Variants in PHF11 observed in about 807,000 individuals in gnomAD.
PHF11 encodes the protein BRCA1 C-terminus-associated protein.
A neutral mutation model predicts 40.5 loss-of-function variants in PHF11; 38 were observed. The ratio of observed to expected loss-of-function variants is 0.94; its 90% CI spans 0.72 to 1.23. The LOEUF (loss-of-function observed/expected upper bound fraction) is 1.23. Among genes scored for constraint, PHF11 ranks in the 50% most tolerant of loss-of-function variants. The pLI, the probability that PHF11 is intolerant of heterozygous loss-of-function variation, is 0.00. For synonymous variants in PHF11, 127 were observed against 138.2 expected (o/e 0.92, Z 0.57); for missense variants, 369 against 392.4 (o/e 0.94, Z 0.50).
chr13:49,507,960 C>T lies in PHF11; in HGVS notation c.216+1204C>T, dbSNP rs548404124. Among the ~76,000 whole-genome samples the T allele has an allele frequency of 1.1e-4, 16 of 152,022 alleles. No individual in the cohort carries two copies. In the East Asian group the frequency reaches 2.7e-3, roughly 26 times the overall value. On this transcript the variant is annotated intron_variant, in intron 2 of 9. Coordinates refer to ENST00000378319, the MANE Select transcript of PHF11 (RefSeq NM_001040443.3). ...TTACTAGCCTTGGCTTTTATTTTGG[C>T]ACTTTGAATTTGTGGATCAGCTTTT...
At chr13:49,501,023 T>TG (rs1958899523) in intron 1 of PHF11, among the ~76,000 whole-genome samples, 1 of 147,242 alleles carries the variant, frequency 6.8e-6, no homozygotes, top group Non-Finnish European at 1.5e-5. Flanking sequence ...TTTGGTTTTT[T>TG]TTTTTCTGAA....
chr13:49,512,436 C>A (rs1959092374), intron 2 of PHF11, among the ~76,000 whole-genome samples: 1 of 152,176 alleles, frequency 6.6e-6, no homozygotes, highest in South Asian at 2.1e-4. Context: ...TTCGCCTATG[C>A]CAATGTCACC....
intron 6 of PHF11, among the ~76,000 whole-genome samples, 190 bp from the exon 7 acceptor site, chr13:49,522,985 G>A (rs897309566): frequency 1.3e-5 from 2 of 151,892 alleles, no homozygotes; most frequent in Non-Finnish European, 2.9e-5. Flanking sequence ...GGCTGGTCTC[G>A]AACTCCTGAC....
chr13:49,519,009 G>A (rs1350114561), intron 4 of PHF11, among the ~76,000 whole-genome samples: 1 of 151,576 alleles, frequency 6.6e-6, no homozygotes, highest in African/African-American at 2.4e-5. Context: ...CTAATTTTTT[G>A]TATTTTTAGT....
intron 4 of PHF11, among the ~76,000 whole-genome samples, chr13:49,519,855 C>T (rs899314665): frequency 6.6e-6 from 1 of 152,050 alleles, no homozygotes; most frequent in Non-Finnish European, 1.5e-5. Flanking sequence ...TTGGGTGTTG[C>T]TGGGAAGACT....
intron 1 of PHF11, chr13:49,496,378 C>A: frequency 1.7e-6 from 2 of 1,147,040 alleles, no homozygotes; most frequent in Non-Finnish European, 2.1e-6. Context: ...CGGTTTACCT[C>A]CCCCGCGGGT....
Position 49,526,418 on chromosome 13 carries a change from C to G in PHF11, c.801C>G (p.Asp267Glu). The G allele has an allele frequency of 1.2e-6, 2 of 1,610,282 alleles. No individual in the cohort carries two copies. Among genetic ancestry groups the G allele is most frequent in the Non-Finnish European group, 1.7e-6 (2 of 1,176,634 alleles). Residue 267 changes from aspartate to glutamate, a missense_variant, in exon 9 of 10, where the codon GAC (aspartate) becomes GAG (glutamate). Asp to Glu is a conservative substitution (Grantham distance 45, BLOSUM62 2). Coordinates refer to ENST00000378319, the MANE Select transcript of PHF11 (RefSeq NM_001040443.3). ...AAGAAATCGGGAGTGCACTTTTTGA[C>G]TGTAGATTGTTCGAAGACACATTTG... ...DYEEIGSALF[D>E]CRLFEDTFVN...
intron 8 of PHF11, chr13:49,525,735 T>C (rs963539364): frequency 1.6e-5 from 7 of 438,836 alleles, no homozygotes; most frequent in Non-Finnish European, 3.2e-5. Flanking sequence ...TTCCAAAAGC[T>C]CATTTATTAT....
chr13:49,514,118 G>T (rs558646728), intron 3 of PHF11, among the ~76,000 whole-genome samples: 112 of 152,298 alleles, frequency 7.4e-4, no homozygotes, highest in African/African-American at 2.6e-3. Context: ...ATTCCACTGG[G>T]CTTATTGCAG....
chr13:49,513,025 G>T, intron 2 of PHF11, 34 bp from the exon 3 acceptor site: 1 of 1,011,062 alleles, frequency 9.9e-7, no homozygotes, highest in Non-Finnish European at 1.5e-6. Flanking sequence ...ATATTACTTT[G>T]TGCATACTCT....
intron 1 of PHF11, among the ~76,000 whole-genome samples, chr13:49,504,702 G>A (rs569461707): frequency 1.2e-3 from 183 of 151,970 alleles, no homozygotes; most frequent in African/African-American, 3.9e-3. Flanking sequence ...CCACCACCCC[G>A]TCTGGGAGGT....
chr13:49,510,141 C>T (rs986229639), intron 2 of PHF11, among the ~76,000 whole-genome samples: 1 of 152,146 alleles, frequency 6.6e-6, no homozygotes, highest in African/African-American at 2.4e-5. Flanking sequence ...TCTCCCATCT[C>T]AGCCTCCAGA....
chr13:49,506,664 A>G lies in PHF11; in HGVS notation c.124A>G (p.Lys42Glu). Residue 42 changes from lysine to glutamate, a missense_variant, in exon 2 of 10, where the codon AAA (lysine) becomes GAA (glutamate). Physicochemically the swap from Lys to Glu is moderately conservative, Grantham distance 56. Coordinates refer to ENST00000378319, the MANE Select transcript of PHF11 (RefSeq NM_001040443.3). ...GVFQVAEKMEKRTCALCPKDV... is the reference protein window; with the variant it reads ...GVFQVAEKMEERTCALCPKDV... Reference sequence around the variant, plus strand: ...CTTTCAGGTTGCAGAAAAGATGGAAAAAAGGACATGTGCACTCTGCCCCAA... The same window carrying G: ...CTTTCAGGTTGCAGAAAAGATGGAAGAAAGGACATGTGCACTCTGCCCCAA... 6.2e-7 allele frequency: 1 copy of G among 1,613,024 alleles called. No individual in the cohort carries two copies. Among genetic ancestry groups the G allele is most frequent in the Non-Finnish European group, 8.5e-7 (1 of 1,179,120 alleles).
intron 8 of PHF11, 95 bp from the exon 9 acceptor site, chr13:49,526,292 C>A: frequency 1.3e-6 from 1 of 773,912 alleles, no homozygotes. Flanking sequence ...CATGACTGCT[C>A]TCTTTCCTTT....
At chr13:49,516,841 T>G (rs1959162280) in intron 3 of PHF11, among the ~76,000 whole-genome samples, 1 of 152,118 alleles carries the variant, frequency 6.6e-6, no homozygotes, top group Non-Finnish European at 1.5e-5. Flanking sequence ...TGCCTCAGCC[T>G]CCCAAAGTAC....
Position 49,526,401 on chromosome 13 carries a change from G to A in PHF11, c.784G>A (p.Gly262Arg), listed in dbSNP as rs147001783. 1.6e-4 allele frequency: 255 copies of A among 1,608,750 alleles called. No homozygotes were observed. The highest frequency in any genetic ancestry group is 2.1e-4 in the Non-Finnish European group (247 of 1,175,300). ...TTSESDYEEI[G>R]SALFDCRLFE... ...TCTCCCTCCAGACTATGAAGAAATC[G>A]GGAGTGCACTTTTTGACTGTAGATT... Residue 262 changes from glycine to arginine, a missense_variant, in exon 9 of 10, where the codon GGG (glycine) becomes AGG (arginine). Gly to Arg is a moderately radical substitution (Grantham distance 125). Transcript: ENST00000378319.
chr13:49,498,994 A>AC (rs999820571), intron 1 of PHF11, among the ~76,000 whole-genome samples: 4 of 152,164 alleles, frequency 2.6e-5, no homozygotes, highest in African/African-American at 4.8e-5. Context: ...AGACTCACAG[A>AC]CCCCCAGAGC....
At chr13:49,524,321 C>T (rs1318308841) in intron 8 of PHF11, 105 bp downstream of exon 8, 4 of 887,584 alleles carry the variant, frequency 4.5e-6, no homozygotes, top group Non-Finnish European at 7.0e-6. Context: ...TCTTCCTATA[C>T]TACTTTTTTC....
rs1311065125 is a variant in PHF11, at chr13:49,496,020, C to A, written c.19C>A (p.Pro7Thr). The A allele has an allele frequency of 2.0e-6, 3 of 1,476,474 alleles. No homozygotes were observed. Among genetic ancestry groups the A allele is most frequent in the Non-Finnish European group, 1.8e-6 (2 of 1,121,418 alleles). 91.5% of individuals were successfully genotyped at this position (1,476,474 alleles called of 1,614,324 possible). A position where few individuals can be genotyped will look rare whatever the true frequency, so the allele number is the denominator to read the frequency against. Residue 7 changes from proline to threonine, a missense_variant, in exon 1 of 10, where the codon CCC becomes ACC. Pro to Thr is a conservative substitution (Grantham distance 38). Coordinates refer to ENST00000378319, the MANE Select transcript of PHF11 (RefSeq NM_001040443.3). MAQASP[P>T]RPERVLGASS... ...CACAGTCATGGCCCAGGCGTCGCCGCCCCGGCCCGAGAGGGTGCTCGGCGC... is the reference window on the plus strand; with the variant it reads ...CACAGTCATGGCCCAGGCGTCGCCGACCCGGCCCGAGAGGGTGCTCGGCGC...
Sources: gnomAD v4.1 joint callset for allele counts (sites outside exome capture counted in the v4.1 genomes callset) on GRCh38, gnomAD v4.1.1 for gene constraint, MANE v1.5 for transcripts, NCBI Gene and HGNC (gene_info 2026-07-23, HGNC 2026-07-21) for gene names.